RPS6KA2: variants seen among roughly 807,000 people sequenced by gnomAD.
RPS6KA2 encodes ribosomal protein S6 kinase A2.
In RPS6KA2, 42 loss-of-function variants were observed where a neutral mutation model predicts 91.8. That is an observed-to-expected ratio of 0.46 (90% CI 0.36 to 0.59). RPS6KA2 has a LOEUF of 0.59. RPS6KA2 is among the 20% of genes least tolerant of loss of function. RPS6KA2 has a pLI of 0.00. For missense variants in RPS6KA2, 798 were observed against 978.5 expected (o/e 0.82, Z 2.46); for synonymous variants, 414 against 393.6 (o/e 1.05, Z -0.61).
In RPS6KA2 at chr6:166,531,265, C is replaced by A. The variant is rs756715388; in HGVS notation, c.265G>T (p.Ala89Ser). Residue 89 changes from alanine (A) to serine (S), a missense_variant, in exon 3 of 21, where the codon GCC (alanine) becomes TCC (serine). Physicochemically the swap from Ala to Ser is moderately conservative, Grantham distance 99. Coordinates refer to ENST00000265678, the MANE Select transcript of RPS6KA2 (RefSeq NM_021135.6). ...GTGGCTTTCTTAAGGACCTTCATGG[C>A]GTAGAGCTGCCCAGCGTCGGACCCC... Reference protein sequence around the residue: ...VKGSDAGQLYAMKVLKKATLK... With the variant: ...VKGSDAGQLYSMKVLKKATLK... 6.2e-7 allele frequency: 1 copy of A among 1,614,130 alleles called. No individual in the cohort carries two copies. Among genetic ancestry groups the A allele is most frequent in the East Asian group, 2.2e-5 (1 of 44,880 alleles).
chr6:166,681,059 C>T (rs1174619331), intron 2 of RPS6KA2, among the ~76,000 whole-genome samples: 1 of 152,186 alleles, frequency 6.6e-6, no homozygotes, highest in Non-Finnish European at 1.5e-5. Flanking sequence ...CTGAATCAGG[C>T]TTTGTTCCCT....
intron 2 of RPS6KA2, among the ~76,000 whole-genome samples, chr6:166,684,393 G>C (rs922096649): frequency 2.0e-5 from 3 of 152,224 alleles, no homozygotes; most frequent in African/African-American, 7.2e-5. Flanking sequence ...GGCCTGCCCT[G>C]AGCTGCTACT....
intron 2 of RPS6KA2, among the ~76,000 whole-genome samples, chr6:166,667,122 G>C (rs1458853807): frequency 6.6e-6 from 1 of 152,188 alleles, no homozygotes; most frequent in African/African-American, 2.4e-5. Context: ...TTGCTTAAAG[G>C]GTAGCATTTC....
chr6:166,627,216 G>A lies in RPS6KA2; in HGVS notation c.-197C>T, dbSNP rs1287382698. 26 of 1,030,306 alleles carry A rather than the reference G, an allele frequency of 2.5e-5. No homozygotes were observed. Among genetic ancestry groups the A allele is most frequent in the Non-Finnish European group, 3.0e-5 (26 of 860,436 alleles). 63.8% of individuals were successfully genotyped at this position (1,030,306 alleles called of 1,614,324 possible). ...GGCCACCGCGGCCGGGGCCACAATC[G>A]CTCCCTCCGCCTCCTTCTCCGCCTC... On this transcript the variant is annotated 5_prime_UTR_variant, in exon 1 of 21. Transcript: ENST00000265678.
intron 2 of RPS6KA2, among the ~76,000 whole-genome samples, chr6:166,827,935 G>A (rs1173674897): frequency 6.6e-6 from 1 of 152,156 alleles, no homozygotes; most frequent in Non-Finnish European, 1.5e-5. Context: ...AAATTAATAA[G>A]GTGCCTCAAC....
intron 1 of RPS6KA2, among the ~76,000 whole-genome samples, chr6:166,552,737 G>A (rs562968229): frequency 6.6e-6 from 1 of 152,254 alleles, no homozygotes; most frequent in African/African-American, 2.4e-5. Context: ...AAAGGATTTG[G>A]AAACTTGGTT....
At chr6:166,480,477 T>TAGA (rs1347612534) in intron 10 of RPS6KA2, among the ~76,000 whole-genome samples, 1 of 43,920 alleles carries the variant, frequency 2.3e-5, no homozygotes, top group African/African-American at 1.2e-4. Context: ...AAGATTGTGA[T>TAGA]TTTATATATA....
In RPS6KA2 at chr6:166,653,537, CAGA is replaced by C. The variant is rs139182744; in HGVS notation, c.124-114756_124-114754del. Among the ~76,000 whole-genome samples, 421 of 152,336 alleles carry C rather than the reference CAGA, an allele frequency of 2.8e-3. 14 individuals are homozygous for C. In the East Asian group the frequency reaches 0.069, roughly 25 times the overall value. The stretch of plus-strand genomic sequence containing the variant: ...GCTGCCATCAATCACCTTCTCTTCC[CAGA>C]AAAGTACAGATGTCTCCCTGGATTT... On this transcript the variant is annotated intron_variant, in intron 2 of 21. Transcript: ENST00000503859.
intron 2 of RPS6KA2, among the ~76,000 whole-genome samples, chr6:166,706,051 C>G (rs1349709249): frequency 1.3e-5 from 2 of 152,210 alleles, no homozygotes; most frequent in Admixed American, 1.3e-4. Flanking sequence ...CCACCAGACA[C>G]TGGATCTGTG....
exon 1 of RPS6KA2, chr6:166,862,522 G>T: frequency 2.6e-6 from 1 of 391,618 alleles, no homozygotes; most frequent in Non-Finnish European, 4.2e-6. Context: ...GACTTTGGCA[G>T]AGTAAACGCT....
intron 8 of RPS6KA2, among the ~76,000 whole-genome samples, chr6:166,497,522 G>A (rs1029642450): frequency 7.2e-5 from 11 of 152,248 alleles, no homozygotes; most frequent in African/African-American, 1.4e-4. Context: ...CAGCCCGTGC[G>A]GGCACGTGGA....
Position 166,580,189 on chromosome 6 carries a change from AC to A in RPS6KA2, c.100-41406del, listed in dbSNP as rs535889568. ...TCTCAGGCTGACTCACACAGGACAC[AC>A]TGTGAAAAGCTGGAGAGGAAAGGGC... On this transcript the variant is annotated intron_variant, in intron 1 of 20. Transcript: ENST00000265678. 1.4e-3 allele frequency among the ~76,000 whole-genome samples: 208 copies of A among 152,336 alleles called. 1 individual carries two copies. Among genetic ancestry groups the A allele is most frequent in the African/African-American group, 4.9e-3 (205 of 41,576 alleles).
upstream of RPS6KA2, among the ~76,000 whole-genome samples, chr6:166,632,176 A>C (rs557630964): frequency 5.3e-5 from 8 of 152,238 alleles, no homozygotes; most frequent in African/African-American, 1.7e-4. Flanking sequence ...TGTCTGGCTT[A>C]TTCCACTTAG....
rs71639661 is a variant in RPS6KA2 at position 166,767,774 on chromosome 6, A to AACACACAC, written c.123+90418_123+90425dup. Among the ~76,000 whole-genome samples, 32 of 146,954 alleles carry AACACACAC rather than the reference A, an allele frequency of 2.2e-4. No individual in the cohort carries two copies. The highest frequency in any genetic ancestry group is 6.5e-4 in the African/African-American group (26 of 39,890). The stretch of plus-strand genomic sequence containing the variant: ...AAGAACTAAAGACAATACCTCCTCA[A>AACACACAC]ACACACACACACACACACACACACA... On this transcript the variant is annotated intron_variant, in intron 2 of 21. Coordinates refer to the RPS6KA2 transcript ENST00000503859. The surrounding 1 kb of genome is among the most constrained non-coding windows in gnomAD (Gnocchi z 4.6).
Position 166,646,902 on chromosome 6 carries a change from G to A in RPS6KA2, c.124-108118C>T, listed in dbSNP as rs112585425. On this transcript the variant is annotated intron_variant, in intron 2 of 21. Coordinates refer to the RPS6KA2 transcript ENST00000503859. ...GTGGGTGTGGGCCTCTGTGCGAGCC[G>A]CTCCCCTGTGTGCCTTCGGCCGCCA... Among the ~76,000 whole-genome samples, 1,300 of 152,110 alleles carry A rather than the reference G, an allele frequency of 8.5e-3. 25 individuals are homozygous for A. The highest frequency in any genetic ancestry group is 0.064 in the South Asian group (308 of 4,816).
chr6:166,643,256 A>T (rs1787501022), intron 2 of RPS6KA2, among the ~76,000 whole-genome samples: 1 of 152,276 alleles, frequency 6.6e-6, no homozygotes, highest in African/African-American at 2.4e-5. Context: ...GTAAAAAAAT[A>T]AAGTCAATGT....
intron 2 of RPS6KA2, among the ~76,000 whole-genome samples, chr6:166,679,194 C>CTA (rs1318291722): frequency 6.6e-6 from 1 of 152,044 alleles, no homozygotes; most frequent in Non-Finnish European, 1.5e-5. Context: ...TGGCTCATGC[C>CTA]TATAATCCCA....
At chr6:166,689,329 C>G (rs1380636623) in intron 2 of RPS6KA2, among the ~76,000 whole-genome samples, 2 of 152,264 alleles carry the variant, frequency 1.3e-5, no homozygotes, top group Non-Finnish European at 2.9e-5. Context: ...TCCCAAGGCA[C>G]TCCTGCAGCG....
chr6:166,742,641 A>G (rs1583066690), intron 2 of RPS6KA2, among the ~76,000 whole-genome samples: 2 of 152,148 alleles, frequency 1.3e-5, no homozygotes, highest in African/African-American at 4.8e-5. Context: ...TTCCTGCAGC[A>G]TCCTTCCCAG....
Sources: gnomAD v4.1 joint callset for allele counts (sites outside exome capture counted in the v4.1 genomes callset) on GRCh38, gnomAD v4.1.1 for gene constraint, Gnocchi (gnomAD v3.1) non-coding constraint, MANE v1.5 for transcripts, NCBI Gene and HGNC (gene_info 2026-07-23, HGNC 2026-07-21) for gene names.